KSR2: variants seen among roughly 807,000 people sequenced by gnomAD.
KSR2 encodes the protein kinase suppressor of ras 2.
In KSR2, 25 loss-of-function variants were observed where a neutral mutation model predicts 107.8. That is an observed-to-expected ratio of 0.23 (90% confidence interval 0.17 to 0.32). The LOEUF (loss-of-function observed/expected upper bound fraction) is 0.32. KSR2 is among the 10% of genes least tolerant of loss of function. The pLI is 1.00. For missense variants in KSR2, 887 were observed against 1,268.9 expected (o/e 0.70, Z 4.57); for synonymous variants, 480 against 507.0 (o/e 0.95, Z 0.71).
intron 14 of KSR2, among the ~76,000 whole-genome samples, chr12:117,498,609 C>A (rs1361592391): frequency 6.6e-6 from 1 of 152,108 alleles, no homozygotes; most frequent in Non-Finnish European, 1.5e-5. Flanking sequence ...CCAAGTGATA[C>A]GATTTGGCTG....
intron 3 of KSR2, among the ~76,000 whole-genome samples, chr12:117,822,032 A>T (rs1426973821): frequency 6.6e-6 from 1 of 152,092 alleles, no homozygotes; most frequent in African/African-American, 2.4e-5. Context: ...ACTCACCAAA[A>T]CCAAGATAGC....
chr12:117,680,759 G>A (rs1195643267), intron 4 of KSR2, among the ~76,000 whole-genome samples: 1 of 152,188 alleles, frequency 6.6e-6, no homozygotes, highest in African/African-American at 2.4e-5. Flanking sequence ...TAAAGTGAAA[G>A]TGGGAGGAGA....
At chr12:117,941,687 C>A (rs894948816) in intron 1 of KSR2, among the ~76,000 whole-genome samples, 4 of 128,794 alleles carry the variant, frequency 3.1e-5, no homozygotes, top group African/African-American at 1.2e-4. Flanking sequence ...AGTGCAGTGG[C>A]ACGATCTTGG....
intron 5 of KSR2, among the ~76,000 whole-genome samples, chr12:117,592,342 G>A (rs997249172): frequency 4.6e-5 from 7 of 152,080 alleles, no homozygotes; most frequent in Admixed American, 1.3e-4. Flanking sequence ...TCTAACTGCC[G>A]ACCTCAGGTG....
chr12:117,816,037 G>GTGTC (rs1555244765), intron 3 of KSR2, among the ~76,000 whole-genome samples: 1 of 135,188 alleles, frequency 7.4e-6, no homozygotes, highest in African/African-American at 2.9e-5. Context: ...GTGTGTGTGT[G>GTGTC]TGTTGGGGAG....
chr12:117,736,419 CATA>C (rs1249091080), intron 4 of KSR2, among the ~76,000 whole-genome samples: 2 of 152,170 alleles, frequency 1.3e-5, no homozygotes. Context: ...GTGCCTGGCC[CATA>C]ATAAGGACCG....
intron 1 of KSR2, among the ~76,000 whole-genome samples, chr12:117,938,012 C>T (rs967799917): frequency 6.6e-6 from 1 of 150,656 alleles, no homozygotes; most frequent in Non-Finnish European, 1.5e-5. Flanking sequence ...ATATTAGACT[C>T]CTCCCATGTT....
At chr12:117,719,508 C>T (rs539710946) in intron 4 of KSR2, among the ~76,000 whole-genome samples, 8 of 152,252 alleles carry the variant, frequency 5.3e-5, no homozygotes, top group African/African-American at 1.9e-4. Flanking sequence ...CAATTCAGGT[C>T]TTGCATTCAA....
chr12:117,617,217 G>T (rs556819677), intron 5 of KSR2, among the ~76,000 whole-genome samples: 1 of 152,190 alleles, frequency 6.6e-6, no homozygotes, highest in African/African-American at 2.4e-5. Context: ...TATATGAGTT[G>T]CACACATTCT....
intron 9 of KSR2, among the ~76,000 whole-genome samples, chr12:117,550,615 T>G (rs556473882): frequency 3.8e-4 from 58 of 151,984 alleles, no homozygotes; most frequent in African/African-American, 1.3e-3. Context: ...AAGGCTGAGA[T>G]AAGATGAGGT....
At chr12:117,917,310 G>C (rs1367223474) in intron 1 of KSR2, among the ~76,000 whole-genome samples, 1 of 152,210 alleles carries the variant, frequency 6.6e-6, no homozygotes, top group African/African-American at 2.4e-5. Flanking sequence ...GAATGCTGAG[G>C]CAGGAGGATC....
chr12:117,749,948 G>A (rs1294802070), intron 4 of KSR2, among the ~76,000 whole-genome samples: 1 of 152,022 alleles, frequency 6.6e-6, no homozygotes, highest in Non-Finnish European at 1.5e-5. Flanking sequence ...GAATCTGGGG[G>A]ATCAAATAGA....
intron 5 of KSR2, among the ~76,000 whole-genome samples, chr12:117,636,977 A>G (rs1298769856): frequency 2.0e-5 from 3 of 152,216 alleles, no homozygotes; most frequent in Non-Finnish European, 4.4e-5. Context: ...GTAATTTAAT[A>G]GGAAAAAATG....
intron 6 of KSR2, among the ~76,000 whole-genome samples, chr12:117,580,355 ACT>A (rs1352393188): frequency 6.6e-6 from 1 of 152,046 alleles, no homozygotes; most frequent in African/African-American, 2.4e-5. Context: ...AGTTTAGCAG[ACT>A]CTGTTTTGCA....
chr12:117,495,678 A>G (rs1237946241), intron 14 of KSR2, among the ~76,000 whole-genome samples: 1 of 152,178 alleles, frequency 6.6e-6, no homozygotes, highest in Admixed American at 6.5e-5. Flanking sequence ...AAAGCTCAGA[A>G]GTGGGGAGGG....
intron 3 of KSR2, among the ~76,000 whole-genome samples, chr12:117,808,632 A>C (rs1224287707): frequency 6.6e-6 from 1 of 152,150 alleles, no homozygotes; most frequent in Non-Finnish European, 1.5e-5. Flanking sequence ...AAGAAAACGT[A>C]GCATGTCTAA....
intron 4 of KSR2, among the ~76,000 whole-genome samples, chr12:117,708,111 T>G (rs919757260): frequency 6.6e-6 from 1 of 152,246 alleles, no homozygotes; most frequent in Admixed American, 6.5e-5. Flanking sequence ...AAAATTAACA[T>G]AGTGACAAAT....
At chr12:117,567,733 C>A (rs1878606080) in intron 7 of KSR2, among the ~76,000 whole-genome samples, 1 of 151,694 alleles carries the variant, frequency 6.6e-6, no homozygotes, top group South Asian at 2.1e-4. Context: ...ACTGCATACC[C>A]CAACTGAGCA....
chr12:117,504,315 T>C (rs1873547745), intron 14 of KSR2, among the ~76,000 whole-genome samples: 1 of 152,236 alleles, frequency 6.6e-6, no homozygotes, highest in South Asian at 2.1e-4. Flanking sequence ...GTAATCTGTT[T>C]CAATTGAAAG....
Sources: allele counts gnomAD v4.1 joint callset (sites outside exome capture counted in the v4.1 genomes callset), GRCh38; gene constraint gnomAD v4.1.1; transcripts MANE v1.5; gene names NCBI Gene and HGNC (gene_info 2026-07-23, HGNC 2026-07-21).